Variants in GRIA4 observed in about 807,000 individuals in gnomAD.
The protein encoded by GRIA4 is glutamate receptor 4.
Under a neutral mutation model 104.0 loss-of-function variants are expected in GRIA4, and 34 were observed. The observed-to-expected ratio is 0.33, with a 90% CI of 0.25 to 0.44. The LOEUF is 0.44. GRIA4 is among the 20% of genes least tolerant of loss of function. The pLI is 1.00. For missense variants in GRIA4, 750 were observed against 1,096.5 expected (o/e 0.68, Z 4.46); for synonymous variants, 386 against 381.9 (o/e 1.01, Z -0.13).
intron 4 of GRIA4, among the ~76,000 whole-genome samples, chr11:105,832,899 C>G (rs905061501): frequency 1.1e-4 from 16 of 151,890 alleles, no homozygotes; most frequent in African/African-American, 3.9e-4. Flanking sequence ...GTGATCTCTG[C>G]CTTGAGTAAT....
At chr11:105,658,633 A>G (rs1318522913) in intron 3 of GRIA4, among the ~76,000 whole-genome samples, 2 of 151,876 alleles carry the variant, frequency 1.3e-5, no homozygotes, top group Non-Finnish European at 2.9e-5. Context: ...TCATAAACAA[A>G]GTGGCAAGTG....
chr11:105,727,938 A>C (rs1429747716), intron 3 of GRIA4, among the ~76,000 whole-genome samples: 1 of 152,188 alleles, frequency 6.6e-6, no homozygotes, highest in Non-Finnish European at 1.5e-5. Context: ...AAATGTAAAA[A>C]CAGTCGACAC....
intron 3 of GRIA4, among the ~76,000 whole-genome samples, chr11:105,718,986 A>C (rs1954201094): frequency 6.6e-6 from 1 of 152,146 alleles, no homozygotes; most frequent in South Asian, 2.1e-4. Flanking sequence ...GTGGAGCTCC[A>C]GATCTGAGGC....
At chr11:105,652,379 G>T (rs74498143) in intron 3 of GRIA4, among the ~76,000 whole-genome samples, 4,253 of 152,188 alleles carry the variant, frequency 0.028, 118 homozygotes, top group African/African-American at 0.07. Flanking sequence ...AAACTGACTC[G>T]AGGTAGGCTG....
intron 14 of GRIA4, among the ~76,000 whole-genome samples, chr11:105,971,394 A>G (rs1482117803): frequency 6.6e-6 from 1 of 152,148 alleles, no homozygotes; most frequent in Non-Finnish European, 1.5e-5. Flanking sequence ...ACCTTTTTCA[A>G]TTAGGTTTTG....
At chr11:105,779,341 T>C (rs929785479) in intron 4 of GRIA4, among the ~76,000 whole-genome samples, 2 of 152,010 alleles carry the variant, frequency 1.3e-5, no homozygotes, top group Non-Finnish European at 2.9e-5. Flanking sequence ...GAAGAATCAA[T>C]ATCGTGAAAA....
chr11:105,971,204 A>G (rs1428047443), intron 14 of GRIA4, among the ~76,000 whole-genome samples: 3 of 152,212 alleles, frequency 2.0e-5, no homozygotes, highest in African/African-American at 7.2e-5. Context: ...TAAATAGATG[A>G]TAGATTCAAG....
intron 14 of GRIA4, among the ~76,000 whole-genome samples, chr11:105,936,859 A>G (rs889897359): frequency 1.3e-5 from 2 of 152,182 alleles, no homozygotes; most frequent in Non-Finnish European, 2.9e-5. Flanking sequence ...AGAGCTCTTT[A>G]CCGTTCAGAC....
intron 14 of GRIA4, among the ~76,000 whole-genome samples, chr11:105,946,798 A>ACTTT (rs1565358979): frequency 6.6e-6 from 1 of 152,128 alleles, no homozygotes; most frequent in East Asian, 1.9e-4. Flanking sequence ...TAACAGGGAC[A>ACTTT]CTTGGGACTC....
chr11:105,912,039 G>C, intron 10 of GRIA4: 1 of 1,113,678 alleles, frequency 9.0e-7, no homozygotes, highest in Non-Finnish European at 1.1e-6. Flanking sequence ...TGGACTACCA[G>C]AAAAAAAAAA....
chr11:105,793,651 A>G (rs1444028488), intron 4 of GRIA4, among the ~76,000 whole-genome samples: 1 of 152,100 alleles, frequency 6.6e-6, no homozygotes, highest in African/African-American at 2.4e-5. Flanking sequence ...GGGTGCAACA[A>G]AGTCTCTGCT....
chr11:105,772,950 A>T (rs1941278474), intron 4 of GRIA4, among the ~76,000 whole-genome samples: 1 of 152,148 alleles, frequency 6.6e-6, no homozygotes, highest in African/African-American at 2.4e-5. Context: ...CAAGAAGCTA[A>T]AAAAAGAGAG....
At chr11:105,827,561 AATGGTGTGGAT>A (rs1943817838) in intron 4 of GRIA4, among the ~76,000 whole-genome samples, 1 of 151,998 alleles carries the variant, frequency 6.6e-6, no homozygotes, top group Admixed American at 6.6e-5. Context: ...TAGAAAAGAG[AATGGTGTGGAT>A]ATTCTGGTAC....
At chr11:105,715,785 C>T (rs925438312) in intron 3 of GRIA4, among the ~76,000 whole-genome samples, 2 of 152,012 alleles carry the variant, frequency 1.3e-5, no homozygotes, top group African/African-American at 4.8e-5. Flanking sequence ...CTTAAGGGAC[C>T]CAGGGTCCCT....
intron 4 of GRIA4, among the ~76,000 whole-genome samples, chr11:105,778,434 C>T (rs566788056): frequency 6.6e-6 from 1 of 152,160 alleles, no homozygotes; most frequent in African/African-American, 2.4e-5. Context: ...GGGCTGGGCG[C>T]GGTGGCTCAC....
intron 4 of GRIA4, among the ~76,000 whole-genome samples, chr11:105,813,067 C>T (rs1367385010): frequency 7.9e-6 from 1 of 126,244 alleles, no homozygotes; most frequent in African/African-American, 3.1e-5. Flanking sequence ...GCACTCCAGC[C>T]TGGGCAACAG....
At chr11:105,967,922 T>G (rs906094177) in intron 14 of GRIA4, among the ~76,000 whole-genome samples, 1 of 152,238 alleles carries the variant, frequency 6.6e-6, no homozygotes, top group East Asian at 1.9e-4. Context: ...TGATTTTCTT[T>G]GTAAACTTAC....
chr11:105,818,348 G>A (rs749634158), intron 4 of GRIA4, among the ~76,000 whole-genome samples: 9 of 152,070 alleles, frequency 5.9e-5, no homozygotes, highest in East Asian at 1.9e-4. Context: ...TCACTGATAC[G>A]TTTGTTTTTA....
At chr11:105,683,850 A>T (rs186530228) in intron 3 of GRIA4, among the ~76,000 whole-genome samples, 267 of 152,298 alleles carry the variant, frequency 1.8e-3, no homozygotes, top group Non-Finnish European at 2.5e-3. Flanking sequence ...AAAGCAGAAG[A>T]TACAGAAGAA....
Sources: gnomAD v4.1 joint callset for allele counts (sites outside exome capture counted in the v4.1 genomes callset) on GRCh38, gnomAD v4.1.1 for gene constraint, MANE v1.5 for transcripts, NCBI Gene and HGNC (gene_info 2026-07-23, HGNC 2026-07-21) for gene names.